Variants in HACL1 observed in about 807,000 individuals in gnomAD.
HACL1 encodes the protein 1600020H07Rik.
HACL1 carries 64 observed loss-of-function variants against 74.2 expected under a neutral mutation model. The observed-to-expected ratio is 0.86, with a 90% CI of 0.70 to 1.06. HACL1 has a LOEUF of 1.06. Ranked by LOEUF, HACL1 falls within the 50% of genes least tolerant of loss-of-function variation. The pLI is 0.00. For missense variants in HACL1, 728 were observed against 719.7 expected (o/e 1.01, Z -0.13); for synonymous variants, 230 against 238.8 (o/e 0.96, Z 0.34).
chr3:15,590,667 T>C (rs2063875038), intron 4 of HACL1, among the ~76,000 whole-genome samples: 1 of 152,164 alleles, frequency 6.6e-6, no homozygotes, highest in African/African-American at 2.4e-5. Flanking sequence ...AGGTGAAAAA[T>C]TAGCCACATT....
At chr3:15,589,759 G>A in intron 4 of HACL1, 147 bp from the exon 5 acceptor site, 1 of 624,260 alleles carries the variant, frequency 1.6e-6, no homozygotes, top group Non-Finnish European at 2.8e-6. Flanking sequence ...TTAAGGCTGG[G>A]TGAGGTGGCT....
chr3:15,570,694 T>G (rs1403733988), intron 12 of HACL1, among the ~76,000 whole-genome samples: 1 of 152,008 alleles, frequency 6.6e-6, no homozygotes, highest in East Asian at 1.9e-4. Flanking sequence ...TGACTCATTT[T>G]AGTGCTAGTA....
At chr3:15,599,027 C>G (rs2064126025) in intron 2 of HACL1, among the ~76,000 whole-genome samples, 1 of 152,224 alleles carries the variant, frequency 6.6e-6, no homozygotes, top group Non-Finnish European at 1.5e-5. Context: ...AGCCTGCCTC[C>G]TCTTTCCTAA....
chr3:15,592,088 ACACACAC>A (rs1559560802), intron 3 of HACL1, among the ~76,000 whole-genome samples: 60 of 136,056 alleles, frequency 4.4e-4, no homozygotes, highest in African/African-American at 1.7e-3. Flanking sequence ...ACGTATATAT[ACACACAC>A]TATATACGTA....
At chr3:15,562,946 A>C (rs538476858) in intron 16 of HACL1, among the ~76,000 whole-genome samples, 1 of 148,876 alleles carries the variant, frequency 6.7e-6, no homozygotes, top group East Asian at 2.1e-4. Context: ...TATCCTTCTG[A>C]TCTCCGTTTA....
chr3:15,585,706 G>C (rs1184300955), intron 6 of HACL1, among the ~76,000 whole-genome samples: 3 of 152,152 alleles, frequency 2.0e-5, no homozygotes, highest in Non-Finnish European at 2.9e-5. Context: ...CTGTGATGCT[G>C]TTACACGTAT....
intron 5 of HACL1, among the ~76,000 whole-genome samples, chr3:15,588,573 A>G (rs939047170): frequency 6.6e-6 from 1 of 152,152 alleles, no homozygotes; most frequent in African/African-American, 2.4e-5. Flanking sequence ...AGATTGGGCA[A>G]CACAGCCATA....
intron 12 of HACL1, among the ~76,000 whole-genome samples, chr3:15,570,102 C>T (rs1005529691): frequency 1.3e-5 from 2 of 152,026 alleles, no homozygotes; most frequent in African/African-American, 2.4e-5. Context: ...TTTGGGAGGC[C>T]AAGGCGGGCG....
intron 3 of HACL1, among the ~76,000 whole-genome samples, chr3:15,595,029 A>G (rs190107691): frequency 0.023 from 3,574 of 152,188 alleles, 218 homozygotes; most frequent in Admixed American, 0.12. Context: ...GGGGAAGCTG[A>G]GGCATGAGGA....
chr3:15,592,074 G>GCATA (rs1559560730), intron 3 of HACL1, among the ~76,000 whole-genome samples: 1 of 131,534 alleles, frequency 7.6e-6, no homozygotes, highest in Admixed American at 7.6e-5. Context: ...ACGTATATAC[G>GCATA]TATACGTATA....
At position 15,563,511 on chromosome 3, in the gene HACL1, A is replaced by G; in HGVS notation, c.1551T>C (p.His517=). Residue 517 remains histidine, a synonymous_variant, in exon 16 of 17, where the codon CAT becomes CAC. Transcript: ENST00000321169. ...VPPMCLLPNS[H]YEQVMTAFGG... is the part of the protein sequence containing the mutation. The stretch of plus-strand genomic sequence containing the variant: ...CAAATGCAGTCATGACTTGCTCATA[A>G]TGTGAATTTGGCAGCAAACACATTG... The G allele has an allele frequency of 6.2e-7, 1 of 1,612,402 alleles. No homozygotes were observed. Among genetic ancestry groups the G allele is most frequent in the Non-Finnish European group, 8.5e-7 (1 of 1,178,658 alleles).
rs144793231 is a variant in HACL1 at position 15,564,983 on chromosome 3, G to A, written c.1410-325C>T. ...AGTTCAAGACAAGCCTGGCCAATATGGTGAAACCCCGTCTCTACTAAAAAT... is the reference window on the plus strand; with the variant it reads ...AGTTCAAGACAAGCCTGGCCAATATAGTGAAACCCCGTCTCTACTAAAAAT... On this transcript the variant is annotated intron_variant, in intron 14 of 16. Coordinates refer to ENST00000321169, the MANE Select transcript of HACL1 (RefSeq NM_012260.4). Among the ~76,000 whole-genome samples the A allele has an allele frequency of 3.4e-3, 516 of 152,158 alleles. 3 individuals carry two copies. Among genetic ancestry groups the A allele is most frequent in the African/African-American group, 0.012 (500 of 41,524 alleles).
chr3:15,587,621 C>T (rs947954461), intron 5 of HACL1, among the ~76,000 whole-genome samples: 1 of 152,122 alleles, frequency 6.6e-6, no homozygotes, highest in Non-Finnish European at 1.5e-5. Flanking sequence ...TTCTTTTTCA[C>T]GTATATAGTT....
intron 4 of HACL1, among the ~76,000 whole-genome samples, chr3:15,591,060 G>A (rs1425721844): frequency 2.6e-5 from 4 of 152,150 alleles, no homozygotes; most frequent in Admixed American, 6.5e-5. Flanking sequence ...CAGCCTGGGC[G>A]ACAGAGAGAC....
In HACL1 at chr3:15,575,001, A is replaced by C. The variant is rs1281360241; in HGVS notation, c.885T>G (p.Tyr295Ter). Residue 295 changes from tyrosine (Y) to a stop codon, truncating the protein, a stop_gained, in exon 10 of 17, where the codon TAT (tyrosine) becomes TAG (stop). Coordinates refer to ENST00000321169, the MANE Select transcript of HACL1 (RefSeq NM_012260.4). LOFTEE classifies it high-confidence loss of function. ...WILHFGLPPR[Y>*]QPDVKFIQVD... The stretch of plus-strand genomic sequence containing the variant: ...CCTGGATAAACTTCACATCTGGCTG[A>C]TATCTTGGAGGCAGTCCAAAATGTA... The C allele has an allele frequency of 6.4e-7, 1 of 1,559,898 alleles. No homozygotes were observed. The highest frequency in any genetic ancestry group is 1.4e-5 in the African/African-American group (1 of 73,918).
At chr3:15,578,333 T>C (rs1279409909) in intron 9 of HACL1, among the ~76,000 whole-genome samples, 1 of 152,050 alleles carries the variant, frequency 6.6e-6, no homozygotes, top group Non-Finnish European at 1.5e-5. Flanking sequence ...AATAAAGACA[T>C]TTCAAGAAAT....
At chr3:15,596,795 A>G (rs1389825537) in intron 2 of HACL1, among the ~76,000 whole-genome samples, 1 of 152,028 alleles carries the variant, frequency 6.6e-6, no homozygotes, top group Non-Finnish European at 1.5e-5. Context: ...AAATTTTTTT[A>G]GTTCTTCGAA....
rs2063693452 is a variant in HACL1 at position 15,579,979 on chromosome 3, A to G, written c.734T>C (p.Leu245Ser). 1 of 1,607,728 alleles carries G rather than the reference A, an allele frequency of 6.2e-7. No individual in the cohort carries two copies. The highest frequency in any genetic ancestry group is 1.3e-5 in the African/African-American group (1 of 74,920). ...KLVEQYKLPFLPTPMGKGVVP... is the reference protein window; with the variant it reads ...KLVEQYKLPFSPTPMGKGVVP... ...AACACCCTTCCCCATAGGGGTGGGC[A>G]AAAATGGCAGTTTATATTGCTCCAC... Residue 245 changes from leucine (L) to serine (S), a missense_variant, in exon 9 of 17, where the codon TTG becomes TCG. Transcript: ENST00000321169.
intron 6 of HACL1, among the ~76,000 whole-genome samples, chr3:15,585,850 G>C (rs1025904135): frequency 6.6e-6 from 1 of 152,176 alleles, no homozygotes; most frequent in Non-Finnish European, 1.5e-5. Context: ...GTGAAACTTA[G>C]TGTGTGCCAA....
Sources: gnomAD v4.1 joint callset for allele counts (sites outside exome capture counted in the v4.1 genomes callset) on GRCh38, gnomAD v4.1.1 for gene constraint, MANE v1.5 for transcripts, NCBI Gene and HGNC (gene_info 2026-07-23, HGNC 2026-07-21) for gene names.